Variants in CDK14 observed in about 807,000 individuals in gnomAD.
CDK14 encodes cyclin-dependent kinase 14.
A neutral mutation model predicts 60.7 loss-of-function variants in CDK14; 34 were observed. That is an observed-to-expected ratio of 0.56 (90% CI 0.43 to 0.75). CDK14 has a LOEUF of 0.75. CDK14 is among the 30% of genes least tolerant of loss of function. The pLI, the probability that CDK14 is intolerant of heterozygous loss-of-function variation, is 0.00. For synonymous variants in CDK14, 197 were observed against 203.7 expected (o/e 0.97, Z 0.28); for missense variants, 482 against 564.1 (o/e 0.85, Z 1.47).
At chr7:91,092,433 C>T (rs1323435742) in intron 12 of CDK14, among the ~76,000 whole-genome samples, 1 of 152,182 alleles carries the variant, frequency 6.6e-6, no homozygotes, top group Non-Finnish European at 1.5e-5. Context: ...CAGGGCATGA[C>T]AGAGAGAAAT....
At chr7:91,090,200 T>C (rs1234070846) in intron 12 of CDK14, among the ~76,000 whole-genome samples, 1 of 152,190 alleles carries the variant, frequency 6.6e-6, no homozygotes, top group African/African-American at 2.4e-5. Context: ...GCCACATTCA[T>C]TGATTTTCTC....
chr7:90,707,901 G>T (rs539675245), intron 2 of CDK14, among the ~76,000 whole-genome samples: 1 of 152,080 alleles, frequency 6.6e-6, no homozygotes, highest in Admixed American at 6.5e-5. Flanking sequence ...ATCACTTAAG[G>T]CATTCATTGA....
At chr7:91,004,033 C>T (rs1252349626) in intron 10 of CDK14, among the ~76,000 whole-genome samples, 2 of 152,052 alleles carry the variant, frequency 1.3e-5, no homozygotes, top group South Asian at 2.1e-4. Context: ...AAATGTATAG[C>T]ATTAAAATCT....
chr7:90,938,455 T>C (rs1793819455), intron 8 of CDK14, among the ~76,000 whole-genome samples: 1 of 152,200 alleles, frequency 6.6e-6, no homozygotes, highest in African/African-American at 2.4e-5. Context: ...TGTTATATTG[T>C]TTTTATTAAA....
At chr7:91,093,199 G>A (rs1798881209) in intron 12 of CDK14, among the ~76,000 whole-genome samples, 1 of 152,172 alleles carries the variant, frequency 6.6e-6, no homozygotes, top group Admixed American at 6.6e-5. Context: ...AAGTATTCGA[G>A]CATAAGGATT....
intron 10 of CDK14, among the ~76,000 whole-genome samples, chr7:90,999,199 A>G (rs1795773472): frequency 6.6e-6 from 1 of 152,142 alleles, no homozygotes; most frequent in Admixed American, 6.5e-5. Flanking sequence ...GAACACATTA[A>G]AACTGTAGCA....
intron 1 of CDK14, among the ~76,000 whole-genome samples, chr7:90,601,906 C>T (rs937982273): frequency 6.7e-6 from 1 of 150,074 alleles, no homozygotes; most frequent in Non-Finnish European, 1.5e-5. Context: ...GGCACCACCA[C>T]CACGCTTGGC....
At chr7:90,980,503 G>A (rs545188578) in intron 9 of CDK14, among the ~76,000 whole-genome samples, 2 of 152,216 alleles carry the variant, frequency 1.3e-5, no homozygotes, top group Admixed American at 1.3e-4. Context: ...AGAAAGAGGT[G>A]GGGGGAAAGC....
At chr7:90,722,798 C>T (rs1023364627) in intron 2 of CDK14, among the ~76,000 whole-genome samples, 1 of 152,060 alleles carries the variant, frequency 6.6e-6, no homozygotes, top group Non-Finnish European at 1.5e-5. Flanking sequence ...TATTGTAAGG[C>T]CGTTAAGGCA....
intron 4 of CDK14, among the ~76,000 whole-genome samples, chr7:90,775,024 A>G (rs1804956405): frequency 6.6e-6 from 1 of 152,060 alleles, no homozygotes; most frequent in Non-Finnish European, 1.5e-5. Context: ...ATCTCATTTC[A>G]CTGCTTTGGA....
At chr7:90,614,270 G>C (rs377301891) in intron 2 of CDK14, among the ~76,000 whole-genome samples, 6 of 152,148 alleles carry the variant, frequency 3.9e-5, no homozygotes, top group Non-Finnish European at 8.8e-5. Flanking sequence ...CTCCCAAAGT[G>C]CTGGGATTAC....
chr7:90,710,070 T>C (rs998382260), intron 2 of CDK14: 2 of 909,192 alleles, frequency 2.2e-6, no homozygotes, highest in Non-Finnish European at 2.6e-6. Context: ...TTTATGCATG[T>C]CATTTTACTC....
At chr7:91,192,167 A>G (rs1049938473) in intron 14 of CDK14, among the ~76,000 whole-genome samples, 2 of 152,170 alleles carry the variant, frequency 1.3e-5, no homozygotes, top group African/African-American at 4.8e-5. Flanking sequence ...TTAGCCAGGG[A>G]GATAAAAGTG....
At chr7:91,102,713 A>G (rs1799178338) in intron 12 of CDK14, among the ~76,000 whole-genome samples, 1 of 152,186 alleles carries the variant, frequency 6.6e-6, no homozygotes, top group Non-Finnish European at 1.5e-5. Flanking sequence ...TCCCACTTCA[A>G]AAACCAAACC....
At chr7:90,806,761 T>C (rs1788859049) in intron 5 of CDK14, among the ~76,000 whole-genome samples, 1 of 151,870 alleles carries the variant, frequency 6.6e-6, no homozygotes, top group Admixed American at 6.5e-5. Context: ...ATCAGGTCAC[T>C]CCCACCCTAA....
At chr7:90,612,747 G>C (rs1306236865) in intron 2 of CDK14, among the ~76,000 whole-genome samples, 1 of 140,942 alleles carries the variant, frequency 7.1e-6, no homozygotes, top group African/African-American at 2.7e-5. Flanking sequence ...ACTCCAGCCC[G>C]GGTGACAGAG....
chr7:90,688,940 G>C (rs1002540253), intron 2 of CDK14, among the ~76,000 whole-genome samples: 2 of 152,074 alleles, frequency 1.3e-5, no homozygotes, highest in Non-Finnish European at 2.9e-5. Flanking sequence ...TAACTGTGCT[G>C]TATGAGACTT....
chr7:90,764,391 T>C (rs1804455323), intron 4 of CDK14, among the ~76,000 whole-genome samples: 1 of 152,076 alleles, frequency 6.6e-6, no homozygotes, highest in Non-Finnish European at 1.5e-5. Context: ...TTGGGTGAAA[T>C]TAGGTGCTGT....
chr7:90,928,148 G>A (rs969939800), intron 8 of CDK14, among the ~76,000 whole-genome samples: 2 of 152,118 alleles, frequency 1.3e-5, no homozygotes, highest in African/African-American at 2.4e-5. Context: ...GCTTCTTTGC[G>A]ATGGGTTTAA....
Sources: allele counts gnomAD v4.1 joint callset (sites outside exome capture counted in the v4.1 genomes callset), GRCh38; gene constraint gnomAD v4.1.1; transcripts MANE v1.5; gene names NCBI Gene and HGNC (gene_info 2026-07-23, HGNC 2026-07-21).